The following IREB2 variants were observed in gnomAD, a reference collection of about 807,000 sequenced individuals.
IREB2 encodes the protein iron responsive element binding protein 2, also known as iron-responsive element-binding protein 2.
Under a neutral mutation model 118.8 loss-of-function variants are expected in IREB2, and 39 were observed. That is an observed-to-expected ratio of 0.33 (90% CI 0.25 to 0.43). The LOEUF (loss-of-function observed/expected upper bound fraction) is 0.43, where lower values mean the gene tolerates loss of function less well. Ranked by LOEUF, IREB2 falls within the 20% of genes least tolerant of loss-of-function variation. IREB2 has a pLI of 1.00. For synonymous variants in IREB2, 372 were observed against 392.2 expected (o/e 0.95, Z 0.61); for missense variants, 900 against 1,147.3 (o/e 0.78, Z 3.11).
intron 2 of IREB2, among the ~76,000 whole-genome samples, chr15:78,457,810 A>G (rs143287315): frequency 7.9e-4 from 120 of 152,230 alleles, no homozygotes; most frequent in African/African-American, 2.7e-3. Flanking sequence ...TTGTTTTTCC[A>G]TAATAATTAT....
intron 18 of IREB2, among the ~76,000 whole-genome samples, chr15:78,491,005 G>A (rs1396664983): frequency 6.6e-6 from 1 of 151,936 alleles, no homozygotes; most frequent in Non-Finnish European, 1.5e-5. Context: ...AGCCCTTATA[G>A]TCTAAATAAA....
intron 9 of IREB2, among the ~76,000 whole-genome samples, chr15:78,477,785 G>T (rs1423776479): frequency 1.3e-5 from 2 of 152,034 alleles, no homozygotes; most frequent in Non-Finnish European, 2.9e-5. Context: ...GCCAGGTGTG[G>T]CAGTACAGAC....
chr15:78,478,496 A>T (rs2051512942), intron 10 of IREB2, 99 bp downstream of exon 10: 1 of 701,006 alleles, frequency 1.4e-6, no homozygotes, highest in Admixed American at 2.3e-5. Context: ...TGAGTTCAAG[A>T]GTTTGAGACC....
chr15:78,446,775 G>A (rs1262758223), intron 2 of IREB2, among the ~76,000 whole-genome samples: 3 of 151,716 alleles, frequency 2.0e-5, no homozygotes, highest in Non-Finnish European at 2.9e-5. Flanking sequence ...TGGCTTTTGC[G>A]TCGCTGCTGT....
Position 78,439,833 on chromosome 15 carries a change from A to ATGTC in IREB2, c.58_59insTGTC (p.Ser20MetfsTer5). ...GTACCTTATTGAAACATTAAATGAC[A>ATGTC]GTTCACATAAGAAGTTCTTCGATGT... On this transcript the variant is annotated frameshift_variant, in exon 2 of 22. Transcript: ENST00000258886. LOFTEE classifies it high-confidence loss of function. 1 of 1,599,674 alleles carries ATGTC rather than the reference A, an allele frequency of 6.3e-7. No homozygotes were observed. The highest frequency in any genetic ancestry group is 1.3e-5 in the African/African-American group (1 of 74,490).
intron 7 of IREB2, among the ~76,000 whole-genome samples, chr15:78,472,160 T>A (rs1896418644): frequency 6.6e-6 from 1 of 152,110 alleles, no homozygotes; most frequent in African/African-American, 2.4e-5. Flanking sequence ...TGTGAAGTAA[T>A]TGAATAATTG....
chr15:78,439,802 C>T lies in IREB2; in HGVS notation c.27C>T (p.Ala9=), dbSNP rs1243964632. The part of the protein sequence containing the change: MDAPKAGY[A]FEYLIETLND... The stretch of plus-strand genomic sequence containing the variant: ...ATACAATTTTTTTTTCAGGATACGC[C>T]TTTGAGTACCTTATTGAAACATTAA... The change falls in exon 2 of 22, where the codon GCC becomes GCT. Residue 9 remains alanine (A), a synonymous_variant. Transcript: ENST00000258886. 1.3e-6 allele frequency: 2 copies of T among 1,581,836 alleles called. No individual in the cohort carries two copies. Among genetic ancestry groups the T allele is most frequent in the Non-Finnish European group, 1.7e-6 (2 of 1,161,064 alleles).
chr15:78,469,737 T>C (rs780319043), intron 5 of IREB2, among the ~76,000 whole-genome samples: 1 of 151,442 alleles, frequency 6.6e-6, no homozygotes, highest in Non-Finnish European at 1.5e-5. Flanking sequence ...AAAAAAAAGG[T>C]TGACAATTAA....
intron 20 of IREB2, among the ~76,000 whole-genome samples, chr15:78,495,103 C>G (rs2051818745): frequency 6.6e-6 from 1 of 152,116 alleles, no homozygotes; most frequent in Non-Finnish European, 1.5e-5. Context: ...GTGCTTTTTG[C>G]CATTTCATAC....
At chr15:78,471,610 A>G (rs934440402) in intron 6 of IREB2, 131 bp from the exon 7 acceptor site, 14 of 490,120 alleles carry the variant, frequency 2.9e-5, no homozygotes, top group East Asian at 3.2e-5. Flanking sequence ...GTTTTTAACT[A>G]TGTGATATGA....
At chr15:78,448,464 AAGAG>A (rs1056689271) in intron 2 of IREB2, among the ~76,000 whole-genome samples, 1 of 152,190 alleles carries the variant, frequency 6.6e-6, no homozygotes, top group Non-Finnish European at 1.5e-5. Context: ...TATATTTTAA[AAGAG>A]AGAAAAAAAA....
chr15:78,449,292 C>G (rs1050079916), intron 2 of IREB2, among the ~76,000 whole-genome samples: 2 of 152,132 alleles, frequency 1.3e-5, no homozygotes, highest in African/African-American at 4.8e-5. Context: ...TGGCCAAGGT[C>G]CCACAACTAA....
At chr15:78,483,990 G>A (rs2051617889) in intron 11 of IREB2, among the ~76,000 whole-genome samples, 1 of 151,864 alleles carries the variant, frequency 6.6e-6, no homozygotes, top group African/African-American at 2.4e-5. Context: ...TCACCATGTT[G>A]GCCAGACTGG....
intron 2 of IREB2, among the ~76,000 whole-genome samples, chr15:78,453,867 G>A (rs985878723): frequency 6.6e-6 from 1 of 152,206 alleles, no homozygotes; most frequent in Non-Finnish European, 1.5e-5. Context: ...ATTTCGAATA[G>A]TGAGGACCTG....
chr15:78,438,142 C>A (rs1490108879), upstream of IREB2: 3 of 571,394 alleles, frequency 5.3e-6, no homozygotes, highest in East Asian at 5.8e-5. Context: ...GTCCGACGAT[C>A]TCGCGGGAGT....
At chr15:78,492,248 C>G (rs541236417) in intron 18 of IREB2, among the ~76,000 whole-genome samples, 149 of 152,170 alleles carry the variant, frequency 9.8e-4, no homozygotes, top group African/African-American at 3.4e-3. Flanking sequence ...AGTAGCAATA[C>G]CCCCCGCACC....
At chr15:78,466,147 T>A (rs553347458) in intron 4 of IREB2, 124 bp from the exon 5 acceptor site, 4 of 566,904 alleles carry the variant, frequency 7.1e-6, no homozygotes, top group Non-Finnish European at 1.2e-5. Context: ...AGTTAAATGA[T>A]ACATTAGCCT....
chr15:78,483,116 AATTTTCATGTTTCGTAC>A (rs1384301349), intron 10 of IREB2, among the ~76,000 whole-genome samples, 185 bp from the exon 11 acceptor site: 1 of 152,108 alleles, frequency 6.6e-6, no homozygotes, highest in African/African-American at 2.4e-5. Flanking sequence ...GATTTTAGCA[AATTTTCATGTTTCGTAC>A]ATTTAAATGT....
chr15:78,471,434 T>C (rs1002427928), intron 6 of IREB2, among the ~76,000 whole-genome samples: 8 of 152,228 alleles, frequency 5.3e-5, no homozygotes, highest in Non-Finnish European at 1.0e-4. Flanking sequence ...AGAGAGAGCT[T>C]GGAGGGAGGG....
Sources: gnomAD v4.1 joint callset for allele counts (sites outside exome capture counted in the v4.1 genomes callset) on GRCh38, gnomAD v4.1.1 for gene constraint, MANE v1.5 for transcripts, NCBI Gene and HGNC (gene_info 2026-07-23, HGNC 2026-07-21) for gene names.